The following CADM2 variants were observed in gnomAD, a reference collection of about 807,000 sequenced individuals.
CADM2 encodes cell adhesion molecule 2.
Under a neutral mutation model 49.8 loss-of-function variants are expected in CADM2, and 12 were observed. That is an observed-to-expected ratio of 0.24 (90% CI 0.15 to 0.39). CADM2 has a LOEUF of 0.39. Ranked by LOEUF, CADM2 falls within the 10% of genes least tolerant of loss-of-function variation. The pLI, the probability that CADM2 is intolerant of heterozygous loss-of-function variation, is 1.00. For missense variants in CADM2, 378 were observed against 492.3 expected (o/e 0.77, Z 2.20); for synonymous variants, 214 against 175.4 (o/e 1.22, Z -1.74).
chr3:86,014,148 G>T, intron 8 of CADM2: 1 of 1,285,152 alleles, frequency 7.8e-7, no homozygotes, highest in Non-Finnish European at 1.1e-6. Flanking sequence ...TGAAATTTTG[G>T]TGGAACTCCT....
intron 1 of CADM2, among the ~76,000 whole-genome samples, chr3:85,409,598 C>A (rs1474756479): frequency 6.6e-6 from 1 of 151,910 alleles, no homozygotes; most frequent in Non-Finnish European, 1.5e-5. Context: ...TATGATCCAA[C>A]GTGAATTTTA....
chr3:85,570,646 T>C (rs961687235), intron 1 of CADM2, among the ~76,000 whole-genome samples: 6 of 152,136 alleles, frequency 3.9e-5, no homozygotes, highest in Non-Finnish European at 7.4e-5. Context: ...TATTGAAAAA[T>C]ACTAACCTAA....
At chr3:85,721,771 G>C (rs1050799660) in intron 1 of CADM2, among the ~76,000 whole-genome samples, 4 of 152,226 alleles carry the variant, frequency 2.6e-5, no homozygotes, top group Non-Finnish European at 4.4e-5. Flanking sequence ...TTGGCTCCCC[G>C]AAGGGCCACA....
At chr3:85,721,020 A>G (rs1189369511) in intron 1 of CADM2, among the ~76,000 whole-genome samples, 1 of 152,200 alleles carries the variant, frequency 6.6e-6, no homozygotes, top group Non-Finnish European at 1.5e-5. Context: ...ATTTTAAAAT[A>G]TATATATTCA....
At chr3:85,913,350 G>T (rs1325980162) in intron 6 of CADM2, among the ~76,000 whole-genome samples, 1 of 152,120 alleles carries the variant, frequency 6.6e-6, no homozygotes, top group African/African-American at 2.4e-5. Flanking sequence ...GAGGATAGGA[G>T]ATAATATGTT....
intron 1 of CADM2, among the ~76,000 whole-genome samples, chr3:85,255,553 G>A (rs973880934): frequency 9.9e-5 from 15 of 151,790 alleles, no homozygotes; most frequent in African/African-American, 3.6e-4. Flanking sequence ...AAAAAAAAAA[G>A]TGATAATTAA....
intron 8 of CADM2, among the ~76,000 whole-genome samples, chr3:86,000,136 C>T (rs1258912949): frequency 1.3e-5 from 2 of 152,068 alleles, no homozygotes; most frequent in Non-Finnish European, 2.9e-5. Context: ...TAAGTTTAGA[C>T]ACCAGTTTGC....
At chr3:85,844,057 G>A (rs909059783) in intron 3 of CADM2, among the ~76,000 whole-genome samples, 1 of 151,858 alleles carries the variant, frequency 6.6e-6, no homozygotes, top group Non-Finnish European at 1.5e-5. Flanking sequence ...ATCTGATAGG[G>A]GACTGAAGCT....
At chr3:85,934,700 AT>A (rs1205918286) in intron 6 of CADM2, among the ~76,000 whole-genome samples, 1 of 152,066 alleles carries the variant, frequency 6.6e-6, no homozygotes, top group Non-Finnish European at 1.5e-5. Flanking sequence ...TCTAAATAAT[AT>A]TTTCCTTAGA....
At chr3:85,301,598 G>T (rs574063721) in intron 1 of CADM2, among the ~76,000 whole-genome samples, 93 of 152,064 alleles carry the variant, frequency 6.1e-4, no homozygotes, top group Non-Finnish European at 1.2e-3. Context: ...AGAAGTGGGT[G>T]GGGGGCTGAC....
chr3:85,940,739 A>G (rs1415710266), intron 7 of CADM2, among the ~76,000 whole-genome samples: 1 of 152,120 alleles, frequency 6.6e-6, no homozygotes, highest in Non-Finnish European at 1.5e-5. Context: ...TATTGTAGAA[A>G]GAGAATGCAG....
At chr3:85,071,590 C>T (rs538807061) in intron 1 of CADM2, among the ~76,000 whole-genome samples, 204 of 152,180 alleles carry the variant, frequency 1.3e-3, no homozygotes, top group African/African-American at 4.8e-3. Context: ...TACATTACCT[C>T]ATAGGTGGTC....
chr3:85,575,696 C>A (rs2107267745), intron 1 of CADM2, among the ~76,000 whole-genome samples: 1 of 152,260 alleles, frequency 6.6e-6, no homozygotes, highest in Admixed American at 6.5e-5. Context: ...AGACTAGGTT[C>A]TTTCACAAAA....
chr3:85,822,935 C>T (rs1311722171), intron 3 of CADM2, among the ~76,000 whole-genome samples: 3 of 152,092 alleles, frequency 2.0e-5, no homozygotes, highest in Non-Finnish European at 2.9e-5. Context: ...TTATTCTAAG[C>T]TTCTAACTTT....
chr3:85,061,246 A>G (rs1286452570), intron 1 of CADM2, among the ~76,000 whole-genome samples: 2 of 152,164 alleles, frequency 1.3e-5, no homozygotes, highest in Non-Finnish European at 2.9e-5. Context: ...CAATAAAAAC[A>G]TAGAATGTTC....
intron 1 of CADM2, among the ~76,000 whole-genome samples, chr3:85,418,779 C>T (rs950094395): frequency 1.3e-5 from 2 of 151,978 alleles, no homozygotes; most frequent in African/African-American, 2.4e-5. Flanking sequence ...TTAATTTTTG[C>T]AATGGGAGCT....
chr3:85,916,771 A>C (rs929567120), intron 6 of CADM2, among the ~76,000 whole-genome samples: 1 of 152,176 alleles, frequency 6.6e-6, no homozygotes. Context: ...TGGTTGAACT[A>C]GTTTACAGTC....
intron 2 of CADM2, among the ~76,000 whole-genome samples, chr3:85,766,570 A>T (rs780708361): frequency 6.6e-6 from 1 of 152,238 alleles, no homozygotes; most frequent in Admixed American, 6.5e-5. Context: ...AGCAACCAAG[A>T]GACTCCTGTA....
intron 1 of CADM2, among the ~76,000 whole-genome samples, chr3:85,461,550 A>G (rs1007503001): frequency 2.6e-5 from 4 of 152,148 alleles, no homozygotes; most frequent in Admixed American, 2.6e-4. Flanking sequence ...AGGAGGAAAA[A>G]GTTTCAACTT....
Sources: allele counts gnomAD v4.1 joint callset (sites outside exome capture counted in the v4.1 genomes callset), GRCh38; gene constraint gnomAD v4.1.1; transcripts MANE v1.5; gene names NCBI Gene and HGNC (gene_info 2026-07-23, HGNC 2026-07-21).